Variants in CPZ observed in about 807,000 individuals in gnomAD.
CPZ encodes the protein VEZT/CPZ fusion.
Under a neutral mutation model 61.8 loss-of-function variants are expected in CPZ, and 103 were observed. The ratio of observed to expected loss-of-function variants is 1.67; its 90% CI spans 1.42 to 1.96. CPZ has a LOEUF of 1.96. Ranked by LOEUF, CPZ falls within the 30% of genes most tolerant of loss-of-function variation. The probability of loss-of-function intolerance (pLI) is 0.00; values close to 1 mark genes in which losing one functional copy is unlikely to be tolerated. For synonymous variants in CPZ, 551 were observed against 373.7 expected (o/e 1.47, Z -5.47); for missense variants, 1,461 against 914.9 (o/e 1.60, Z -7.70).
chr4:8,594,290 T>C (rs1415529220), intron 1 of CPZ, among the ~76,000 whole-genome samples: 1 of 152,172 alleles, frequency 6.6e-6, no homozygotes, highest in Non-Finnish European at 1.5e-5. Context: ...TCACCTGCAG[T>C]GCAGGTCCCC....
chr4:8,612,001 T>C, intron 7 of CPZ, 26 bp from the exon 8 acceptor site: 1 of 1,613,592 alleles, frequency 6.2e-7, no homozygotes, highest in Non-Finnish European at 8.5e-7. Flanking sequence ...GACCCTTTCC[T>C]TATCTGAGCC....
chr4:8,604,018 C>T lies in CPZ; in HGVS notation c.539C>T (p.Pro180Leu), dbSNP rs1317154477. The change falls in exon 4 of 11, where the codon CCC becomes CTC. Residue 180 changes from proline (P) to leucine (L), a missense_variant. Transcript: ENST00000360986. ...GAGGCACTGCCCTCAGGGCTGCCGC[C>T]CACCTTCATCCGCTTCAGCCACCAC... ...ADEALPSGLP[P>L]TFIRFSHHSY... 1.9e-6 allele frequency: 3 copies of T among 1,612,150 alleles called. No individual in the cohort carries two copies. The highest frequency in any genetic ancestry group is 2.2e-5 in the South Asian group (2 of 91,076).
At chr4:8,613,253 TC>T (rs1176117366) in intron 8 of CPZ, among the ~76,000 whole-genome samples, 1 of 151,514 alleles carries the variant, frequency 6.6e-6, no homozygotes, top group African/African-American at 2.4e-5. Context: ...TGCCTCAGCC[TC>T]CCGAGTAGCT....
intron 1 of CPZ, 81 bp downstream of exon 1, chr4:8,593,002 CG>C: frequency 3.5e-6 from 4 of 1,151,872 alleles, no homozygotes; most frequent in Non-Finnish European, 4.9e-6. Context: ...CCCAGGGGCC[CG>C]GGAGCTTTCT....
In CPZ at chr4:8,606,756, G is replaced by A. The variant is rs1715047775; in HGVS notation, c.926G>A (p.Trp309Ter). 10 of 1,614,044 alleles carry A rather than the reference G, an allele frequency of 6.2e-6. No homozygotes were observed. The highest frequency in any genetic ancestry group is 8.5e-6 in the Non-Finnish European group (10 of 1,180,032). Residue 309 changes from tryptophan to a stop codon, truncating the protein, a stop_gained, in exon 6 of 11, where the codon TGG (tryptophan) becomes TAG (stop). Transcript: ENST00000360986. LOFTEE classifies it high-confidence loss of function. ...TTTCAGGGTGCCGGCTACAACGGGTGGACGAGCGGGAGGCAGAACGCGCAG... is the reference window on the plus strand; with the variant it reads ...TTTCAGGGTGCCGGCTACAACGGGTAGACGAGCGGGAGGCAGAACGCGCAG... ...AAAEGAGYNG[W>*]TSGRQNAQNL...
intron 7 of CPZ, among the ~76,000 whole-genome samples, chr4:8,609,198 C>CCTCATTCACTTACTCATTCA (rs1203376264): frequency 7.3e-6 from 1 of 137,722 alleles, no homozygotes; most frequent in African/African-American, 2.6e-5. Context: ...TCACTCACTC[C>CCTCATTCACTTACTCATTCA]CTCACTCACT....
chr4:8,606,503 G>A (rs1283482039), intron 5 of CPZ, among the ~76,000 whole-genome samples: 2 of 152,182 alleles, frequency 1.3e-5, no homozygotes, highest in Non-Finnish European at 2.9e-5. Context: ...GGTGACTGTC[G>A]AGGGCGCCCC....
At chr4:8,592,952 C>A (rs1202426557) in intron 1 of CPZ, 31 bp downstream of exon 1, 2 of 1,480,706 alleles carry the variant, frequency 1.4e-6, no homozygotes, top group East Asian at 2.5e-5. Flanking sequence ...CACCCTCCAC[C>A]CTCCACCCTG....
chr4:8,603,592 CCACTG>C, intron 3 of CPZ: 2 of 267,478 alleles, frequency 7.5e-6, no homozygotes, highest in Non-Finnish European at 1.4e-5. Flanking sequence ...TGCCTGAGTG[CCACTG>C]TCATGGAAAA....
intron 1 of CPZ, chr4:8,597,523 C>T (rs3796736): frequency 0.13 from 19,911 of 152,250 alleles, 1,707 homozygotes; most frequent in Non-Finnish European, 0.19. Flanking sequence ...CCGTGACAGT[C>T]ATCCAGGGGG....
In CPZ at chr4:8,601,483, T is replaced by C. The variant is rs1714573139; in HGVS notation, c.482T>C (p.Leu161Pro). The change falls in exon 3 of 11, where the codon CTG (leucine) becomes CCG (proline). Residue 161 changes from leucine (L) to proline (P), a missense_variant. Transcript: ENST00000360986. ...TREDEGCYDP[L>P]EKLRGGLEAD... ...GAGGACGAGGGCTGCTATGACCCGC[T>C]GGAGAAGCTTCGGGGTAAGGGAAAG... The C allele has an allele frequency of 6.7e-7, 1 of 1,485,614 alleles. No individual in the cohort carries two copies. The highest frequency in any genetic ancestry group is 9.0e-7 in the Non-Finnish European group (1 of 1,116,186). The allele number at this position is 1,485,614 out of a possible 1,614,324, so 92.0% of individuals were successfully genotyped here.
intron 3 of CPZ, chr4:8,602,296 C>G (rs1465407405): frequency 1.3e-5 from 2 of 152,278 alleles, no homozygotes; most frequent in East Asian, 3.9e-4. Flanking sequence ...CAGTCCTGGC[C>G]CGTTAGACCT....
At chr4:8,594,000 G>A (rs1207390627) in intron 1 of CPZ, among the ~76,000 whole-genome samples, 1 of 152,068 alleles carries the variant, frequency 6.6e-6, no homozygotes, top group African/African-American at 2.4e-5. Flanking sequence ...TAGGCTTGTT[G>A]GAGACCACAG....
Position 8,619,336 on chromosome 4 carries a change from A to G in CPZ, c.1678A>G (p.Lys560Glu), listed in dbSNP as rs201254824. The G allele has an allele frequency of 7.4e-6, 12 of 1,614,112 alleles. No homozygotes were observed. In the Admixed American group the frequency reaches 8.3e-5, roughly 11 times the overall value. ...IVIAQAPGYAKVIKKVIIPAR... is the reference protein window; with the variant it reads ...IVIAQAPGYAEVIKKVIIPAR... ...CATTGCCCAAGCCCCTGGCTACGCC[A>G]AAGTCATCAAGAAAGTCATCATCCC... Residue 560 changes from lysine (K) to glutamate (E), a missense_variant, in exon 11 of 11, where the codon AAA becomes GAA. Coordinates refer to ENST00000360986, the MANE Select transcript of CPZ (RefSeq NM_001014447.3).
Position 8,614,465 on chromosome 4 carries a change from C to G in CPZ, c.1470C>G (p.His490Gln), listed in dbSNP as rs1423984393. The change falls in exon 9 of 11, where the codon CAC (histidine) becomes CAG (glutamine). Residue 490 changes from histidine to glutamine, a missense_variant. Coordinates refer to ENST00000360986, the MANE Select transcript of CPZ (RefSeq NM_001014447.3). ...PEEALYILWQ[H>Q]NKESLLNFVE... is the part of the protein sequence containing the mutation. Reference sequence around the variant, plus strand: ...AGGCCCTGTACATACTCTGGCAGCACAACAAGGAGTCACTCCTGAATTTCG... The same window carrying G: ...AGGCCCTGTACATACTCTGGCAGCAGAACAAGGAGTCACTCCTGAATTTCG... 11 of 1,613,398 alleles carry G rather than the reference C, an allele frequency of 6.8e-6. No individual in the cohort carries two copies. In the Admixed American group the frequency reaches 8.3e-5, roughly 12 times the overall value.
chr4:8,601,016 C>A, intron 2 of CPZ, 107 bp from the exon 3 acceptor site: 1 of 1,438,690 alleles, frequency 7.0e-7, no homozygotes, highest in African/African-American at 1.4e-5. Flanking sequence ...CGTGGGTGCC[C>A]CTCCCTGCAG....
Position 8,605,996 on chromosome 4 carries a change from C to G in CPZ, c.717C>G (p.Pro239=), listed in dbSNP as rs764252538. The G allele has an allele frequency of 1.9e-6, 3 of 1,612,402 alleles. No individual in the cohort carries two copies. Among genetic ancestry groups the G allele is most frequent in the African/African-American group, 2.7e-5 (2 of 75,024 alleles). ...CTCTGTATTTGCCCCCAGTGGAGCC[C>G]GAGGTGAAGCTCATCGGCAACATTC... ...SRPGQHELME[P]EVKLIGNIHG... Residue 239 remains proline, a synonymous_variant, in exon 5 of 11, where the codon CCC becomes CCG. Transcript: ENST00000360986.
At chr4:8,604,296 C>A in intron 4 of CPZ, 108 bp downstream of exon 4, 1 of 1,092,626 alleles carries the variant, frequency 9.2e-7, no homozygotes, top group Non-Finnish European at 1.3e-6. Context: ...CTGGGCAGAG[C>A]TGGGGGCCTC....
Position 8,619,291 on chromosome 4 carries a change from C to G in CPZ, c.1633C>G (p.Pro545Ala), listed in dbSNP as rs779945396. 153 of 1,613,142 alleles carry G rather than the reference C, an allele frequency of 9.5e-5. No individual in the cohort carries two copies. Among genetic ancestry groups the G allele is most frequent in the Non-Finnish European group, 1.3e-4 (151 of 1,179,616 alleles). Residue 545 changes from proline to alanine, a missense_variant, in exon 11 of 11, where the codon CCC becomes GCC. Transcript: ENST00000360986. ...AGATGGTGACTACTGGAGACTGCTG[C>G]CCCCAGGTATCCACATTGTCATTGC... ...APDGDYWRLL[P>A]PGIHIVIAQA...
Sources: allele counts gnomAD v4.1 joint callset (sites outside exome capture counted in the v4.1 genomes callset), GRCh38; gene constraint gnomAD v4.1.1; transcripts MANE v1.5; gene names NCBI Gene and HGNC (gene_info 2026-07-23, HGNC 2026-07-21).